Variants in MEI4 observed in about 807,000 individuals in gnomAD.
The protein encoded by MEI4 is meiotic double-stranded break formation protein 4.
Under a neutral mutation model 31.4 loss-of-function variants are expected in MEI4, and 27 were observed. The ratio of observed to expected loss-of-function variants is 0.86; its 90% CI spans 0.63 to 1.19. The LOEUF (loss-of-function observed/expected upper bound fraction) is 1.19. Among genes scored for constraint, MEI4 ranks in the 50% most tolerant of loss-of-function variants. MEI4 has a pLI of 0.00. For synonymous variants in MEI4, 122 were observed against 145.4 expected (o/e 0.84, Z 1.16); for missense variants, 329 against 398.9 (o/e 0.82, Z 1.49).
intron 3 of MEI4, among the ~76,000 whole-genome samples, chr6:77,804,221 C>T (rs1769364669): frequency 6.6e-6 from 1 of 152,188 alleles, no homozygotes; most frequent in Admixed American, 6.5e-5. Flanking sequence ...TGATCTCAGA[C>T]TGCTGTGCTA....
intron 4 of MEI4, 67 bp from the exon 5 acceptor site, chr6:77,923,022 T>G: frequency 1.0e-6 from 1 of 992,068 alleles, no homozygotes; most frequent in Non-Finnish European, 1.3e-6. Context: ...CTCTGATATC[T>G]TTATATGACA....
intron 4 of MEI4, among the ~76,000 whole-genome samples, chr6:77,917,622 T>TTTG (rs1766593008): frequency 2.8e-5 from 1 of 35,800 alleles, no homozygotes; most frequent in African/African-American, 2.7e-4. Context: ...GGGGTTGTTT[T>TTTG]TTTCTTGTAA....
At chr6:77,874,358 T>C (rs1049770805) in intron 4 of MEI4, among the ~76,000 whole-genome samples, 1 of 152,214 alleles carries the variant, frequency 6.6e-6, no homozygotes, top group African/African-American at 2.4e-5. Context: ...TTTTATTCTC[T>C]TTGAAGCAAT....
At chr6:77,740,381 A>C (rs1767367972) in intron 2 of MEI4, among the ~76,000 whole-genome samples, 1 of 152,078 alleles carries the variant, frequency 6.6e-6, no homozygotes, top group Admixed American at 6.5e-5. Context: ...TTTTTGCTTT[A>C]ATGATCTGTC....
intron 2 of MEI4, among the ~76,000 whole-genome samples, chr6:77,739,493 G>A (rs1582084642): frequency 2.0e-5 from 3 of 152,236 alleles, no homozygotes; most frequent in South Asian, 4.1e-4. Context: ...AGCACTGCAT[G>A]TTCTCACTCA....
At chr6:77,907,552 C>T (rs1004271589) in intron 4 of MEI4, among the ~76,000 whole-genome samples, 7 of 151,658 alleles carry the variant, frequency 4.6e-5, no homozygotes, top group African/African-American at 9.7e-5. Flanking sequence ...GGACATTTGG[C>T]GTGGTTCCAA....
At chr6:77,877,069 C>T (rs1428609959) in intron 4 of MEI4, among the ~76,000 whole-genome samples, 1 of 151,978 alleles carries the variant, frequency 6.6e-6, no homozygotes, top group Non-Finnish European at 1.5e-5. Context: ...TAATGTGCAA[C>T]ATTTAAGAAA....
chr6:77,859,191 A>G (rs1465075282), intron 4 of MEI4, among the ~76,000 whole-genome samples: 3 of 152,208 alleles, frequency 2.0e-5, no homozygotes, highest in East Asian at 3.9e-4. Flanking sequence ...TGCAAAGGAC[A>G]TGATCTCATC....
At position 77,753,004 on chromosome 6, in the gene MEI4, G is replaced by A. The variant is rs185859911; in HGVS notation, c.233-8126G>A. Among the ~76,000 whole-genome samples, 3 of 152,132 alleles carry A rather than the reference G, an allele frequency of 2.0e-5. No individual in the cohort carries two copies. In the East Asian group the frequency reaches 5.8e-4, roughly 29 times the overall value. Reference sequence around the variant, plus strand: ...CTGACAAAAACAAGAAATGGGGAAAGGATTCCCTATTTAATAAATGGTTTT... The same window carrying A: ...CTGACAAAAACAAGAAATGGGGAAAAGATTCCCTATTTAATAAATGGTTTT... On this transcript the variant is annotated intron_variant, in intron 2 of 4. Transcript: ENST00000684080.
chr6:77,788,537 T>C (rs932461006), intron 3 of MEI4, among the ~76,000 whole-genome samples: 2 of 152,130 alleles, frequency 1.3e-5, no homozygotes, highest in African/African-American at 4.8e-5. Flanking sequence ...CTTAAGCTGA[T>C]AGGCAACTTC....
intron 1 of MEI4, among the ~76,000 whole-genome samples, chr6:77,676,300 T>C (rs2127647399): frequency 6.6e-6 from 1 of 152,084 alleles, no homozygotes; most frequent in South Asian, 2.1e-4. Context: ...GTTATAATTA[T>C]TGTAATTAAT....
intron 2 of MEI4, among the ~76,000 whole-genome samples, chr6:77,752,451 A>C (rs1023022539): frequency 6.6e-6 from 1 of 152,216 alleles, no homozygotes; most frequent in African/African-American, 2.4e-5. Context: ...AATCACAAGC[A>C]TTCTTATACA....
intron 4 of MEI4, among the ~76,000 whole-genome samples, chr6:77,914,042 A>AAC (rs1420662976): frequency 1.3e-5 from 2 of 150,948 alleles, no homozygotes; most frequent in African/African-American, 4.9e-5. Context: ...AAGAAAAAAA[A>AAC]AAAAAACTTT....
At chr6:77,900,833 A>G (rs1766171821) in intron 4 of MEI4, among the ~76,000 whole-genome samples, 1 of 151,960 alleles carries the variant, frequency 6.6e-6, no homozygotes, top group East Asian at 1.9e-4. Context: ...CCTTGTATCT[A>G]ACAGAAATTT....
chr6:77,880,883 A>G (rs1771473705), intron 4 of MEI4, among the ~76,000 whole-genome samples: 2 of 151,956 alleles, frequency 1.3e-5, no homozygotes, highest in Middle Eastern at 3.4e-3. Context: ...TTAGCTCTGG[A>G]TCTAAAAAAA....
chr6:77,859,999 G>A (rs1258844844), intron 4 of MEI4, among the ~76,000 whole-genome samples: 1 of 152,096 alleles, frequency 6.6e-6, no homozygotes, highest in Non-Finnish European at 1.5e-5. Flanking sequence ...AAATTCATGT[G>A]CTTCCAAGAA....
chr6:77,690,773 G>A lies in MEI4; in HGVS notation c.102G>A (p.Glu34=). ...PADKSSREYT[E]HLAMLLSEEQ... ...ACAAAAGCAGCAGAGAATACACAGAGCACCTTGCTATGTTGCTGTCTGAGG... is the reference window on the plus strand; with the variant it reads ...ACAAAAGCAGCAGAGAATACACAGAACACCTTGCTATGTTGCTGTCTGAGG... Residue 34 remains glutamate (E), a synonymous_variant, in exon 2 of 5, where the codon GAG becomes GAA. Coordinates refer to ENST00000684080, the MANE Select transcript of MEI4 (RefSeq NM_001322247.2). 1 of 1,231,616 alleles carries A rather than the reference G, an allele frequency of 8.1e-7. No individual in the cohort carries two copies. Among genetic ancestry groups the A allele is most frequent in the African/African-American group, 1.6e-5 (1 of 64,488 alleles). The allele number at this position is 1,231,616 out of a possible 1,614,324, so 76.3% of individuals were successfully genotyped here.
chr6:77,878,435 T>C (rs1486616797), intron 4 of MEI4, among the ~76,000 whole-genome samples: 1 of 152,018 alleles, frequency 6.6e-6, no homozygotes, highest in Non-Finnish European at 1.5e-5. Context: ...TCAGAAAAAA[T>C]GAACATAATA....
intron 2 of MEI4, among the ~76,000 whole-genome samples, chr6:77,745,143 C>G (rs1044247293): frequency 6.6e-6 from 1 of 152,108 alleles, no homozygotes; most frequent in African/African-American, 2.4e-5. Context: ...TGTAAATGGA[C>G]TAAATGCTCC....
Sources: allele counts gnomAD v4.1 joint callset (sites outside exome capture counted in the v4.1 genomes callset), GRCh38; gene constraint gnomAD v4.1.1; transcripts MANE v1.5; gene names NCBI Gene and HGNC (gene_info 2026-07-23, HGNC 2026-07-21).